Variants in OSBPL9 observed in about 807,000 individuals in gnomAD.
The protein encoded by OSBPL9 is oxysterol binding protein like 9.
Under a neutral mutation model 106.6 loss-of-function variants are expected in OSBPL9, and 40 were observed. That is an observed-to-expected ratio of 0.38 (90% CI 0.29 to 0.49). The LOEUF (loss-of-function observed/expected upper bound fraction) is 0.49. OSBPL9 is among the 20% of genes least tolerant of loss of function. The pLI is 0.97. For synonymous variants in OSBPL9, 269 were observed against 295.4 expected (o/e 0.91, Z 0.92); for missense variants, 609 against 887.2 (o/e 0.69, Z 3.98).
the OSBPL9 span, among the ~76,000 whole-genome samples, chr1:51,541,108 G>A: frequency 1.3e-5 from 2 of 152,214 alleles, no homozygotes; most frequent in African/African-American, 4.8e-5. Flanking sequence ...TCCAGCCTAG[G>A]CAACAGAGTG....
chr1:51,571,157 G>T, the OSBPL9 span, among the ~76,000 whole-genome samples: 3 of 152,054 alleles, frequency 2.0e-5, no homozygotes, highest in Non-Finnish European at 4.4e-5. Context: ...CAGTCTCTTT[G>T]AATAATTTTT....
At chr1:51,627,689 C>A (rs1644849104) in intron 1 of OSBPL9, among the ~76,000 whole-genome samples, 1 of 151,586 alleles carries the variant, frequency 6.6e-6, no homozygotes, top group Non-Finnish European at 1.5e-5. Context: ...ACATGTTCAT[C>A]TCTCCTACTT....
At chr1:51,785,907 A>G (rs1346463228) in intron 21 of OSBPL9, 21 bp downstream of exon 21, 2 of 1,598,470 alleles carry the variant, frequency 1.3e-6, no homozygotes, top group East Asian at 2.2e-5. Context: ...CTATTTTGCC[A>G]CTTGTTTTAG....
chr1:51,693,245 A>C (rs1301972109), intron 3 of OSBPL9, among the ~76,000 whole-genome samples: 1 of 151,920 alleles, frequency 6.6e-6, no homozygotes, highest in Non-Finnish European at 1.5e-5. Flanking sequence ...CATGGCACTT[A>C]GCTGTGGTCT....
chr1:51,603,389 A>G (rs1449460737), intron 2 of OSBPL9, among the ~76,000 whole-genome samples: 1 of 152,234 alleles, frequency 6.6e-6, no homozygotes, highest in African/African-American at 2.4e-5. Flanking sequence ...AACTGAGAAC[A>G]AGATTTTTAG....
chr1:51,540,568 C>G, the OSBPL9 span, among the ~76,000 whole-genome samples: 1 of 151,276 alleles, frequency 6.6e-6, no homozygotes, highest in Non-Finnish European at 1.5e-5. Context: ...GCAGGAGAAT[C>G]ACTTGAACCT....
intron 7 of OSBPL9, 115 bp from the exon 8 acceptor site, chr1:51,750,030 G>T: frequency 1.7e-6 from 1 of 582,026 alleles, no homozygotes; most frequent in African/African-American, 1.9e-5. Context: ...GATATTTCTT[G>T]TGTAGTATAG....
the OSBPL9 span, among the ~76,000 whole-genome samples, chr1:51,550,692 T>G: frequency 1.3e-5 from 2 of 152,056 alleles, no homozygotes; most frequent in African/African-American, 4.8e-5. Context: ...TTTTGTATTT[T>G]TAGTAGAGAC....
chr1:51,629,785 C>T (rs756712779), intron 1 of OSBPL9, among the ~76,000 whole-genome samples: 6 of 151,926 alleles, frequency 3.9e-5, no homozygotes, highest in Non-Finnish European at 7.4e-5. Context: ...CCTGTCTCTA[C>T]TAAAAATACA....
At chr1:51,533,160 A>G in the OSBPL9 span, among the ~76,000 whole-genome samples, 1 of 152,160 alleles carries the variant, frequency 6.6e-6, no homozygotes, top group South Asian at 2.1e-4. Context: ...GATGGGAAAG[A>G]CAAGACAGAA....
chr1:51,721,985 T>C (rs924985200), intron 4 of OSBPL9, among the ~76,000 whole-genome samples: 1 of 152,270 alleles, frequency 6.6e-6, no homozygotes, highest in Non-Finnish European at 1.5e-5. Context: ...TATAATTGAA[T>C]ACAACTACAT....
At chr1:51,704,558 C>A (rs999957642) in intron 3 of OSBPL9, among the ~76,000 whole-genome samples, 4 of 152,184 alleles carry the variant, frequency 2.6e-5, no homozygotes, top group Non-Finnish European at 5.9e-5. Context: ...GTAGCTTAAA[C>A]AGCAAACATT....
At chr1:51,680,592 C>T (rs1028630335) in intron 3 of OSBPL9, among the ~76,000 whole-genome samples, 2 of 151,432 alleles carry the variant, frequency 1.3e-5, no homozygotes, top group African/African-American at 2.4e-5. Flanking sequence ...ACTCGGGGGG[C>T]GGAGGTTGCA....
the OSBPL9 span, among the ~76,000 whole-genome samples, chr1:51,559,095 G>A: frequency 6.6e-6 from 1 of 152,192 alleles, no homozygotes; most frequent in Admixed American, 6.5e-5. Flanking sequence ...AGGCAGGAAA[G>A]TTGACCATCT....
At chr1:51,733,577 G>T (rs1376291984) in intron 4 of OSBPL9, among the ~76,000 whole-genome samples, 2 of 152,038 alleles carry the variant, frequency 1.3e-5, no homozygotes, top group Non-Finnish European at 2.9e-5. Flanking sequence ...GAGTTGGAGA[G>T]CAGCCTGGCC....
chr1:51,611,700 A>G (rs930970025), intron 2 of OSBPL9, among the ~76,000 whole-genome samples: 1 of 152,232 alleles, frequency 6.6e-6, no homozygotes, highest in Admixed American at 6.5e-5. Flanking sequence ...GGCCAGGCAC[A>G]GTGGCTCACA....
chr1:51,697,752 A>G (rs1459655180), intron 3 of OSBPL9, among the ~76,000 whole-genome samples: 1 of 150,750 alleles, frequency 6.6e-6, no homozygotes, highest in Non-Finnish European at 1.5e-5. Context: ...GTGATTAGAT[A>G]TGTAATAAAT....
chr1:51,693,662 AG>A (rs1214608444), intron 3 of OSBPL9, among the ~76,000 whole-genome samples: 1 of 152,218 alleles, frequency 6.6e-6, no homozygotes, highest in African/African-American at 2.4e-5. Context: ...CTTTAATCTC[AG>A]TCATGTGAAT....
intron 3 of OSBPL9, among the ~76,000 whole-genome samples, chr1:51,684,859 G>A (rs1046871706): frequency 6.6e-6 from 1 of 150,974 alleles, no homozygotes; most frequent in African/African-American, 2.4e-5. Context: ...AAAAAAGAAT[G>A]TTTGAATAGG....
Sources: allele counts gnomAD v4.1 joint callset (sites outside exome capture counted in the v4.1 genomes callset), GRCh38; gene constraint gnomAD v4.1.1; transcripts MANE v1.5; gene names NCBI Gene and HGNC (gene_info 2026-07-23, HGNC 2026-07-21).